The following SYT16 variants were observed in gnomAD, a reference collection of about 807,000 sequenced individuals.
SYT16 encodes synaptotagmin 16, also known as synaptotagmin-16.
In SYT16, 42 loss-of-function variants were observed where a neutral mutation model predicts 61.4. The observed-to-expected ratio is 0.68, with a 90% confidence interval of 0.53 to 0.89. The LOEUF is 0.89. Among genes scored for constraint, SYT16 ranks in the 40% least tolerant of loss-of-function variants. The pLI is 0.00. For missense variants in SYT16, 804 were observed against 807.3 expected (o/e 1.00, Z 0.05); for synonymous variants, 314 against 302.3 (o/e 1.04, Z -0.40).
chr14:61,901,569 A>G (rs141810484), intron 1 of SYT16, among the ~76,000 whole-genome samples: 1 of 151,970 alleles, frequency 6.6e-6, no homozygotes, highest in Non-Finnish European at 1.5e-5. Flanking sequence ...TGTCTGTCCT[A>G]CTTCTTAACT....
At chr14:61,849,642 C>T (rs1246969928) in intron 1 of SYT16, among the ~76,000 whole-genome samples, 1 of 151,520 alleles carries the variant, frequency 6.6e-6, no homozygotes, top group Non-Finnish European at 1.5e-5. Flanking sequence ...ACTATGCTCT[C>T]CCTCCCTCAA....
At chr14:61,944,099 A>T (rs1457907940) in intron 1 of SYT16, among the ~76,000 whole-genome samples, 1 of 152,168 alleles carries the variant, frequency 6.6e-6, no homozygotes, top group African/African-American at 2.4e-5. Context: ...ATAGACAAAC[A>T]GAGAGCCAAA....
At chr14:61,963,586 C>T (rs1263803655) in intron 1 of SYT16, among the ~76,000 whole-genome samples, 3 of 152,048 alleles carry the variant, frequency 2.0e-5, no homozygotes, top group Non-Finnish European at 4.4e-5. Context: ...TCCTGAGGTT[C>T]AAGGAAAAAA....
chr14:61,999,012 A>G (rs1338498662), intron 3 of SYT16, among the ~76,000 whole-genome samples: 1 of 151,810 alleles, frequency 6.6e-6, no homozygotes, highest in Non-Finnish European at 1.5e-5. Context: ...TGGTCATGTT[A>G]TGGTATTCTT....
At chr14:61,966,126 C>T (rs2051307020) in intron 1 of SYT16, among the ~76,000 whole-genome samples, 1 of 151,220 alleles carries the variant, frequency 6.6e-6, no homozygotes, top group Non-Finnish European at 1.5e-5. Flanking sequence ...TAAGCCATTA[C>T]TACAAGAATT....
chr14:62,069,022 C>T (rs1156711268), intron 3 of SYT16, among the ~76,000 whole-genome samples: 1 of 152,188 alleles, frequency 6.6e-6, no homozygotes, highest in Non-Finnish European at 1.5e-5. Context: ...TCTGGAACTC[C>T]TGACCTCAAG....
intron 7 of SYT16, among the ~76,000 whole-genome samples, chr14:62,093,278 G>A (rs1344667907): frequency 6.6e-6 from 1 of 152,006 alleles, no homozygotes; most frequent in East Asian, 1.9e-4. Flanking sequence ...TAAAGCAAAT[G>A]TAACCAATTC....
intron 1 of SYT16, among the ~76,000 whole-genome samples, chr14:61,889,097 GGT>G (rs2048025543): frequency 6.6e-6 from 1 of 152,180 alleles, no homozygotes; most frequent in African/African-American, 2.4e-5. Context: ...AGGGAGGCAT[GGT>G]GATAGTTGCA....
chr14:61,880,351 T>TAC (rs1234592941), intron 1 of SYT16, among the ~76,000 whole-genome samples: 2 of 152,232 alleles, frequency 1.3e-5, no homozygotes, highest in Non-Finnish European at 2.9e-5. Context: ...CATCATACTG[T>TAC]CTTAGTTGCT....
intron 1 of SYT16, among the ~76,000 whole-genome samples, chr14:61,820,688 G>A (rs902012811): frequency 1.3e-5 from 2 of 151,792 alleles, no homozygotes; most frequent in African/African-American, 4.8e-5. Context: ...CAGCCTGTTG[G>A]CCAGGCTGGT....
intron 1 of SYT16, among the ~76,000 whole-genome samples, chr14:61,941,934 G>A (rs974858622): frequency 6.6e-6 from 1 of 152,084 alleles, no homozygotes; most frequent in African/African-American, 2.4e-5. Flanking sequence ...TTTTGCCTTT[G>A]CCTGGCAAGG....
rs533499910 is a variant in SYT16 at position 62,002,639 on chromosome 14, G to A, written c.523+6097G>A. Reference sequence around the variant, plus strand: ...CTCCCCGGAGACAGGGGAATCTGCAGTGGTCTGACCCCAGGAGTTTTTCCT... The same window carrying A: ...CTCCCCGGAGACAGGGGAATCTGCAATGGTCTGACCCCAGGAGTTTTTCCT... On this transcript the variant is annotated intron_variant, in intron 3 of 7. Transcript: ENST00000683842. Among the ~76,000 whole-genome samples the A allele has an allele frequency of 2.6e-5, 4 of 152,228 alleles. No individual in the cohort carries two copies. In the East Asian group the frequency reaches 5.8e-4, roughly 22 times the overall value.
intron 7 of SYT16, among the ~76,000 whole-genome samples, chr14:62,089,400 A>C (rs1488052015): frequency 6.6e-6 from 1 of 152,036 alleles, no homozygotes; most frequent in Non-Finnish European, 1.5e-5. Flanking sequence ...ATCCATCACA[A>C]GGGAAAGTAT....
At chr14:61,946,721 C>T (rs981054581) in intron 1 of SYT16, among the ~76,000 whole-genome samples, 10 of 151,852 alleles carry the variant, frequency 6.6e-5, no homozygotes, top group African/African-American at 2.4e-4. Context: ...TTTTCAAAGC[C>T]CAAAACTGTT....
At chr14:61,898,576 G>T (rs1465555304) in intron 1 of SYT16, among the ~76,000 whole-genome samples, 1 of 152,202 alleles carries the variant, frequency 6.6e-6, no homozygotes, top group Non-Finnish European at 1.5e-5. Context: ...GTGTGTCTAG[G>T]CTGGGGCAAG....
chr14:61,901,820 G>C (rs2048532020), intron 1 of SYT16, among the ~76,000 whole-genome samples: 1 of 151,468 alleles, frequency 6.6e-6, no homozygotes, highest in Non-Finnish European at 1.5e-5. Context: ...GGAGTACAGT[G>C]GTGCAATCTT....
intron 7 of SYT16, among the ~76,000 whole-genome samples, chr14:62,085,015 A>G (rs2140985043): frequency 6.6e-6 from 1 of 152,328 alleles, no homozygotes; most frequent in East Asian, 1.9e-4. Flanking sequence ...GCAATGCAGG[A>G]CTGGCTTTCT....
chr14:61,900,525 A>G (rs1164633995), intron 1 of SYT16, among the ~76,000 whole-genome samples: 2 of 152,202 alleles, frequency 1.3e-5, no homozygotes, highest in South Asian at 4.1e-4. Flanking sequence ...TTGGAGTTGT[A>G]TTAGGATGTA....
intron 1 of SYT16, among the ~76,000 whole-genome samples, chr14:61,823,594 A>G (rs1321040604): frequency 2.0e-5 from 3 of 151,018 alleles, no homozygotes; most frequent in Admixed American, 6.6e-5. Flanking sequence ...AAAAAAAAAA[A>G]AAGAAGAATT....
Sources: allele counts gnomAD v4.1 joint callset (sites outside exome capture counted in the v4.1 genomes callset), GRCh38; gene constraint gnomAD v4.1.1; transcripts MANE v1.5; gene names NCBI Gene and HGNC (gene_info 2026-07-23, HGNC 2026-07-21).